DSG4: variants seen among roughly 807,000 people sequenced by gnomAD.
DSG4 encodes desmoglein 4.
In DSG4, 87 loss-of-function variants were observed where a neutral mutation model predicts 93.1. The ratio of observed to expected loss-of-function variants is 0.93; its 90% CI spans 0.79 to 1.12. The LOEUF (loss-of-function observed/expected upper bound fraction) is 1.12. Among genes scored for constraint, DSG4 ranks in the 50% most tolerant of loss-of-function variants. The pLI, the probability that DSG4 is intolerant of heterozygous loss-of-function variation, is 0.00. For synonymous variants in DSG4, 432 were observed against 452.9 expected (o/e 0.95, Z 0.59); for missense variants, 1,373 against 1,285.7 (o/e 1.07, Z -1.04).
chr18:31,390,920 G>A, intron 6 of DSG4, 98 bp downstream of exon 6: 1 of 1,511,820 alleles, frequency 6.6e-7, no homozygotes, highest in South Asian at 1.2e-5. Context: ...TATAAAGGAG[G>A]GAAGAAAAAT....
intron 10 of DSG4, among the ~76,000 whole-genome samples, chr18:31,402,940 G>GA (rs2072384440): frequency 6.6e-6 from 1 of 152,098 alleles, no homozygotes; most frequent in South Asian, 2.1e-4. Flanking sequence ...GAGCACACAA[G>GA]AAAAACACAA....
At chr18:31,377,913 A>G (rs2072093610) in intron 1 of DSG4, among the ~76,000 whole-genome samples, 1 of 152,264 alleles carries the variant, frequency 6.6e-6, no homozygotes, top group African/African-American at 2.4e-5. Context: ...ATTCTTAGGC[A>G]AGTGGCAATT....
chr18:31,389,103 T>A, intron 5 of DSG4, 85 bp downstream of exon 5: 1 of 1,502,304 alleles, frequency 6.7e-7, no homozygotes, highest in Non-Finnish European at 9.2e-7. Flanking sequence ...ATACAGGAAA[T>A]GTAAAGGACA....
intron 1 of DSG4, among the ~76,000 whole-genome samples, chr18:31,379,458 T>A (rs1270243309): frequency 6.6e-6 from 1 of 152,206 alleles, no homozygotes; most frequent in Non-Finnish European, 1.5e-5. Context: ...CTATGGATTG[T>A]ATAAATTTTA....
Position 31,386,850 on chromosome 18 carries a change from C to CT in DSG4, c.216+35dup, listed in dbSNP as rs1310120961. 8 of 1,611,980 alleles carry CT rather than the reference C, an allele frequency of 5.0e-6. No homozygotes were observed. The African/African-American group carries it at 1.1e-4, about 22-fold the overall frequency. ...TGATGAAGCAATCTGATGACAAATGCTTTTGCAGAGCAGGGAAGCTTTCAA... is the reference window on the plus strand; with the variant it reads ...TGATGAAGCAATCTGATGACAAATGCTTTTTGCAGAGCAGGGAAGCTTTCAA... On this transcript the variant is annotated intron_variant, in intron 3 of 15. Coordinates refer to ENST00000308128, the MANE Select transcript of DSG4 (RefSeq NM_177986.5).
chr18:31,399,219 A>C, intron 8 of DSG4, 53 bp from the exon 9 acceptor site: 1 of 1,609,324 alleles, frequency 6.2e-7, no homozygotes, highest in South Asian at 1.1e-5. Context: ...TTCTTACTTT[A>C]TCGAAAGAGA....
rs115738534 is a variant in DSG4, at chr18:31,377,118, C to T, written c.48+159C>T. Among the ~76,000 whole-genome samples, 1,473 of 152,214 alleles carry T rather than the reference C, an allele frequency of 9.7e-3. 30 individuals carry two copies. Among genetic ancestry groups the T allele is most frequent in the African/African-American group, 0.034 (1,422 of 41,544 alleles). ...TCTGTTAATTTCAAACAACTCTCTC[C>T]GCCTTGAGGAACAAAATGCCATAGA... On this transcript the variant is annotated intron_variant, in intron 1 of 15. Transcript: ENST00000308128.
At chr18:31,405,986 A>T in intron 11 of DSG4, 91 bp from the exon 12 acceptor site, 1 of 1,443,460 alleles carries the variant, frequency 6.9e-7, no homozygotes, top group Non-Finnish European at 9.7e-7. Context: ...CTAGTGTTTT[A>T]AGTCAATATT....
At position 31,378,560 on chromosome 18, in the gene DSG4, C is replaced by A. The variant is rs147523600; in HGVS notation, c.48+1601C>A. Among the ~76,000 whole-genome samples the A allele has an allele frequency of 1.6e-3, 242 of 152,202 alleles. 1 individual carries two copies. Among genetic ancestry groups the A allele is most frequent in the African/African-American group, 5.7e-3 (238 of 41,552 alleles). On this transcript the variant is annotated intron_variant, in intron 1 of 15. Coordinates refer to ENST00000308128, the MANE Select transcript of DSG4 (RefSeq NM_177986.5). ...GTATTATACTTCAGACTCTCAGGAT[C>A]TTTTTTTGGTAGTATTTATTTATTT... is the stretch of plus-strand genomic sequence containing the variant.
At chr18:31,411,128 T>G (rs2144219234) in intron 14 of DSG4, 103 bp from the exon 15 acceptor site, 1 of 1,612,108 alleles carries the variant, frequency 6.2e-7, no homozygotes, top group East Asian at 2.2e-5. Flanking sequence ...CGCCTACGCC[T>G]TGCCGGGTGG....
intron 8 of DSG4, among the ~76,000 whole-genome samples, chr18:31,398,656 AC>A (rs528499899): frequency 3.9e-5 from 6 of 152,344 alleles, no homozygotes; most frequent in African/African-American, 1.4e-4. Flanking sequence ...TATCCAGAAT[AC>A]CCATTTCAAA....
chr18:31,383,798 AC>A (rs1218667859), intron 1 of DSG4, among the ~76,000 whole-genome samples: 1 of 152,150 alleles, frequency 6.6e-6, no homozygotes, highest in Non-Finnish European at 1.5e-5. Flanking sequence ...GGGGCACTAA[AC>A]TAAGGAATAA....
intron 8 of DSG4, among the ~76,000 whole-genome samples, chr18:31,394,482 C>T (rs2072283791): frequency 6.6e-6 from 1 of 152,128 alleles, no homozygotes; most frequent in South Asian, 2.1e-4. Flanking sequence ...GAGGCTGAGG[C>T]AGGAGAATCG....
rs2072529872 is a variant in DSG4 at position 31,414,084 on chromosome 18, A to G, written c.*489A>G. 1 of 155,142 alleles carries G rather than the reference A, an allele frequency of 6.4e-6. No individual in the cohort carries two copies. The highest frequency in any genetic ancestry group is 2.0e-4 in the South Asian group (1 of 5,096). The allele number at this position is 155,142 out of a possible 1,614,324, so 9.6% of individuals were successfully genotyped here. Reference sequence around the variant, plus strand: ...GAAAAGGAACGTAGAGTATCTGTCAATATCTTTAGATATCTGAAGTCATTT... The same window carrying G: ...GAAAAGGAACGTAGAGTATCTGTCAGTATCTTTAGATATCTGAAGTCATTT... On this transcript the variant is annotated 3_prime_UTR_variant, in exon 16 of 16. Coordinates refer to ENST00000308128, the MANE Select transcript of DSG4 (RefSeq NM_177986.5).
chr18:31,400,637 T>C (rs1313959430), intron 9 of DSG4, among the ~76,000 whole-genome samples: 1 of 152,218 alleles, frequency 6.6e-6, no homozygotes, highest in Non-Finnish European at 1.5e-5. Flanking sequence ...ATACATTTTA[T>C]TAACAATTAT....
intron 8 of DSG4, 126 bp downstream of exon 8, chr18:31,392,466 C>A: frequency 9.5e-7 from 1 of 1,053,920 alleles, no homozygotes; most frequent in Non-Finnish European, 1.4e-6. Flanking sequence ...TTGTTTATAT[C>A]AAGGGTCCTA....
chr18:31,376,798 C>A lies in DSG4; in HGVS notation c.-114C>A, dbSNP rs1427514038. 1 of 1,109,900 alleles carries A rather than the reference C, an allele frequency of 9.0e-7. No homozygotes were observed. Among genetic ancestry groups the A allele is most frequent in the Non-Finnish European group, 1.4e-6 (1 of 731,798 alleles). 68.8% of individuals were successfully genotyped at this position (1,109,900 alleles called of 1,614,324 possible). ...AGATCACCACAGTTATCACCCATGC[C>A]CTCCTAAAAGGGTGTCTCAAAGCAT... On this transcript the variant is annotated 5_prime_UTR_variant, in exon 1 of 16. Coordinates refer to ENST00000308128, the MANE Select transcript of DSG4 (RefSeq NM_177986.5).
chr18:31,396,378 T>TA (rs1401587796), intron 8 of DSG4, among the ~76,000 whole-genome samples: 1 of 144,714 alleles, frequency 6.9e-6, no homozygotes, highest in East Asian at 2.0e-4. Context: ...TTTTTTTTTT[T>TA]TTTGAGACAG....
rs2072339797 is a variant in DSG4, at chr18:31,399,393, T to C, written c.1127T>C (p.Val376Ala). 1 of 1,613,998 alleles carries C rather than the reference T, an allele frequency of 6.2e-7. No individual in the cohort carries two copies. The highest frequency in any genetic ancestry group is 1.1e-5 in the South Asian group (1 of 91,090). Residue 376 changes from valine (V) to alanine (A), a missense_variant, in exon 9 of 16, where the codon GTT (valine) becomes GCT (alanine). Coordinates refer to ENST00000308128, the MANE Select transcript of DSG4 (RefSeq NM_177986.5). ...CACCCAACCCCTGTGAGAATTCAAGTTGTTGATGTGAGAGAAGGACCTGCA... is the reference window on the plus strand; with the variant it reads ...CACCCAACCCCTGTGAGAATTCAAGCTGTTGATGTGAGAGAAGGACCTGCA... ...QMHPTPVRIQ[V>A]VDVREGPAFH...
Sources: gnomAD v4.1 joint callset for allele counts (sites outside exome capture counted in the v4.1 genomes callset) on GRCh38, gnomAD v4.1.1 for gene constraint, MANE v1.5 for transcripts, NCBI Gene and HGNC (gene_info 2026-07-23, HGNC 2026-07-21) for gene names.